Variants in ARHGAP24 observed in about 807,000 individuals in gnomAD.
ARHGAP24 encodes the protein Rho GTPase activating protein 24.
In ARHGAP24, 50 loss-of-function variants were observed where a neutral mutation model predicts 76.4. The ratio of observed to expected loss-of-function variants is 0.65; its 90% CI spans 0.52 to 0.83. The LOEUF (loss-of-function observed/expected upper bound fraction) is 0.83. ARHGAP24 is among the 40% of genes least tolerant of loss of function. The probability of loss-of-function intolerance (pLI) is 0.00; values close to 1 mark genes in which losing one functional copy is unlikely to be tolerated. For synonymous variants in ARHGAP24, 345 were observed against 323.3 expected, an observed-to-expected ratio of 1.07 and a Z score of -0.72; for missense variants, 930 against 914.2, an observed-to-expected ratio of 1.02 and a Z score of -0.22.
At chr4:85,971,984 G>A in intron 5 of ARHGAP24, 52 bp from the exon 6 acceptor site, 1 of 1,613,176 alleles carries the variant, frequency 6.2e-7, no homozygotes, top group Non-Finnish European at 8.5e-7. Flanking sequence ...ACAATAAATA[G>A]AATGGTATGA....
chr4:85,877,755 A>G (rs915966771), intron 3 of ARHGAP24, among the ~76,000 whole-genome samples: 19 of 152,178 alleles, frequency 1.2e-4, no homozygotes, highest in African/African-American at 4.6e-4. Context: ...TATTTCATAA[A>G]CTGTTTAAGA....
At chr4:85,640,760 C>T (rs146096109) in intron 2 of ARHGAP24, among the ~76,000 whole-genome samples, 46 of 152,104 alleles carry the variant, frequency 3.0e-4, no homozygotes, top group African/African-American at 1.1e-3. Context: ...TACTTGCTAC[C>T]TCTTTAAGTG....
intron 3 of ARHGAP24, among the ~76,000 whole-genome samples, chr4:85,819,380 G>A (rs1729374687): frequency 6.6e-6 from 1 of 152,022 alleles, no homozygotes; most frequent in Non-Finnish European, 1.5e-5. Flanking sequence ...AACATAGAGA[G>A]GAAAGTGATT....
chr4:85,901,328 G>T (rs971585489), intron 3 of ARHGAP24, among the ~76,000 whole-genome samples: 1 of 151,954 alleles, frequency 6.6e-6, no homozygotes, highest in Admixed American at 6.6e-5. Context: ...AAGTTATGGT[G>T]ATTTGTTTCT....
chr4:85,944,662 A>G (rs1737149892), intron 5 of ARHGAP24, among the ~76,000 whole-genome samples: 1 of 152,130 alleles, frequency 6.6e-6, no homozygotes, highest in African/African-American at 2.4e-5. Context: ...TTTTTAAAAA[A>G]TGTCTAAACC....
chr4:85,874,173 G>C (rs1402535749), intron 3 of ARHGAP24, among the ~76,000 whole-genome samples: 1 of 152,160 alleles, frequency 6.6e-6, no homozygotes, highest in Non-Finnish European at 1.5e-5. Context: ...TGGAAGCACA[G>C]TGAAATCTTA....
At chr4:85,926,732 A>G (rs1355826809) in intron 4 of ARHGAP24, among the ~76,000 whole-genome samples, 33 of 151,642 alleles carry the variant, frequency 2.2e-4, no homozygotes, top group Non-Finnish European at 1.5e-5. Context: ...CCGATTTGCA[A>G]TATTTTAAAA....
At chr4:85,832,598 C>T (rs1214279838) in intron 3 of ARHGAP24, among the ~76,000 whole-genome samples, 1 of 152,162 alleles carries the variant, frequency 6.6e-6, no homozygotes, top group African/African-American at 2.4e-5. Context: ...ACAACCCTCT[C>T]TTAACACCAA....
Position 85,606,192 on chromosome 4 carries a change from G to A in ARHGAP24, c.180+35471G>A, listed in dbSNP as rs113311111. On this transcript the variant is annotated intron_variant, in intron 2 of 9. Transcript: ENST00000395184. ...TCTTTGGGGCATCAGACCTCAAAGG[G>A]GCATTTAGGATTTCCATAGATAAAG... Among the ~76,000 whole-genome samples, 708 of 152,258 alleles carry A rather than the reference G, an allele frequency of 4.6e-3. 7 individuals carry two copies. Among genetic ancestry groups the A allele is most frequent in the African/African-American group, 0.016 (676 of 41,550 alleles).
chr4:85,756,553 T>C (rs1490760236), intron 3 of ARHGAP24, among the ~76,000 whole-genome samples: 8 of 152,190 alleles, frequency 5.3e-5, no homozygotes, highest in African/African-American at 1.7e-4. Context: ...GCTTTAAAAA[T>C]ATAAGTCAAG....
chr4:85,745,378 A>G (rs1485815827), intron 3 of ARHGAP24, among the ~76,000 whole-genome samples: 1 of 143,754 alleles, frequency 7.0e-6, no homozygotes, highest in Non-Finnish European at 1.5e-5. Flanking sequence ...TATTGTATAC[A>G]TACATGTGCA....
chr4:85,551,481 G>C (rs1265082655), intron 1 of ARHGAP24, among the ~76,000 whole-genome samples: 1 of 152,072 alleles, frequency 6.6e-6, no homozygotes, highest in East Asian at 1.9e-4. Context: ...ATATCGGCCT[G>C]ACATTTTCTT....
Position 85,673,442 on chromosome 4 carries a change from A to G in ARHGAP24, c.181-48443A>G, listed in dbSNP as rs956685305. On this transcript the variant is annotated intron_variant, in intron 2 of 9. Transcript: ENST00000395184. ...TCAACCACTCCATGGTTTGGAAAAT[A>G]TGAAATCTCTGTGAACTCTCTTTTC... 7.2e-5 allele frequency among the ~76,000 whole-genome samples: 11 copies of G among 152,148 alleles called. No homozygotes were observed. The East Asian group carries it at 1.2e-3, about 16-fold the overall frequency.
intron 5 of ARHGAP24, among the ~76,000 whole-genome samples, chr4:85,969,814 T>G (rs1417175755): frequency 1.3e-5 from 2 of 152,172 alleles, no homozygotes; most frequent in African/African-American, 4.8e-5. Flanking sequence ...TTCAAACAAT[T>G]TTTTGGAATT....
intron 5 of ARHGAP24, among the ~76,000 whole-genome samples, chr4:85,942,992 T>C (rs1737039183): frequency 2.6e-5 from 4 of 152,182 alleles, no homozygotes; most frequent in African/African-American, 9.6e-5. Context: ...TATTTTAACT[T>C]AACATTTTAC....
intron 5 of ARHGAP24, among the ~76,000 whole-genome samples, chr4:85,944,637 TTGTC>T (rs1398841265): frequency 6.6e-6 from 1 of 152,184 alleles, no homozygotes; most frequent in African/African-American, 2.4e-5. Flanking sequence ...CATGAAGTCT[TTGTC>T]TGGGGCCTCT....
intron 1 of ARHGAP24, among the ~76,000 whole-genome samples, chr4:85,528,868 A>G (rs187898696): frequency 2.0e-5 from 3 of 152,188 alleles, no homozygotes; most frequent in East Asian, 1.9e-4. Context: ...ATTCAATACT[A>G]TCAAAGATAG....
chr4:85,952,614 T>C (rs1029389791), intron 5 of ARHGAP24, among the ~76,000 whole-genome samples: 13 of 152,234 alleles, frequency 8.5e-5, no homozygotes, highest in African/African-American at 3.1e-4. Flanking sequence ...TATTAAGCCA[T>C]GTACTTTCTG....
chr4:85,495,970 AC>A (rs531285291), intron 1 of ARHGAP24, among the ~76,000 whole-genome samples: 82 of 152,168 alleles, frequency 5.4e-4, no homozygotes, highest in African/African-American at 1.9e-3. Flanking sequence ...AGCTCCCCAA[AC>A]CCTAGAGAAC....
Sources: gnomAD v4.1 joint callset for allele counts (sites outside exome capture counted in the v4.1 genomes callset) on GRCh38, gnomAD v4.1.1 for gene constraint, MANE v1.5 for transcripts, NCBI Gene and HGNC (gene_info 2026-07-23, HGNC 2026-07-21) for gene names.